TRIM33: variants seen among roughly 807,000 people sequenced by gnomAD.
TRIM33 encodes E3 ubiquitin-protein ligase TRIM33.
Under a neutral mutation model 125.4 loss-of-function variants are expected in TRIM33, and 20 were observed. That is an observed-to-expected ratio of 0.16 (90% CI 0.11 to 0.23). TRIM33 has a LOEUF of 0.23. TRIM33 is among the 10% of genes least tolerant of loss of function. The pLI is 1.00. For missense variants in TRIM33, 920 were observed against 1,411.4 expected (o/e 0.65, Z 5.58); for synonymous variants, 564 against 513.9 (o/e 1.10, Z -1.32).
chr1:114,461,215 A>AATATAT (rs11367427), intron 4 of TRIM33, among the ~76,000 whole-genome samples: 17 of 133,154 alleles, frequency 1.3e-4, no homozygotes, highest in Non-Finnish European at 2.1e-4. Flanking sequence ...TGTCTTTAAA[A>AATATAT]ATATATATAT....
At chr1:114,507,020 G>A (rs187938193) in intron 1 of TRIM33, among the ~76,000 whole-genome samples, 1 of 152,244 alleles carries the variant, frequency 6.6e-6, no homozygotes, top group East Asian at 1.9e-4. Context: ...CTTATTTATT[G>A]AACAGTCTAC....
At chr1:114,499,755 A>T (rs1652596876) in intron 1 of TRIM33, among the ~76,000 whole-genome samples, 1 of 152,232 alleles carries the variant, frequency 6.6e-6, no homozygotes, top group Non-Finnish European at 1.5e-5. Flanking sequence ...AAAACACAGG[A>T]GGACACCACC....
At chr1:114,457,812 A>C (rs1649712078) in intron 4 of TRIM33, among the ~76,000 whole-genome samples, 1 of 152,192 alleles carries the variant, frequency 6.6e-6, no homozygotes, top group South Asian at 2.1e-4. Context: ...GAAGGTAAAA[A>C]ATCAACTCAG....
At chr1:114,408,081 T>G (rs538597866) in intron 13 of TRIM33, among the ~76,000 whole-genome samples, 156 of 152,012 alleles carry the variant, frequency 1.0e-3, no homozygotes, top group Non-Finnish European at 1.6e-3. Context: ...TGCTCTCCCT[T>G]CCCCCAAATC....
rs1003305224 is a variant in TRIM33 at position 114,510,735 on chromosome 1, A to G, written c.342T>C (p.Pro114=). The G allele has an allele frequency of 2.6e-6, 4 of 1,528,858 alleles. No individual in the cohort carries two copies. Among genetic ancestry groups the G allele is most frequent in the Non-Finnish European group, 3.5e-6 (4 of 1,142,726 alleles). The allele number at this position is 1,528,858 out of a possible 1,614,324, so 94.7% of individuals were successfully genotyped here. A position where few individuals can be genotyped will look rare whatever the true frequency, so the allele number is the denominator to read the frequency against. The change falls in exon 1 of 20, where the codon CCT becomes CCC. Residue 114 remains proline (P), a synonymous_variant. Transcript: ENST00000358465. The part of the protein sequence containing the change: ...APAPGPSAGP[P]PGPPASLLDT... Reference sequence around the variant, plus strand: ...CCAGGAGCGAGGCTGGCGGTCCAGGAGGCGGCCCTGCCGAGGGACCCGGAG... The same window carrying G: ...CCAGGAGCGAGGCTGGCGGTCCAGGGGGCGGCCCTGCCGAGGGACCCGGAG...
At chr1:114,476,298 T>G (rs1650976494) in intron 1 of TRIM33, among the ~76,000 whole-genome samples, 1 of 150,642 alleles carries the variant, frequency 6.6e-6, no homozygotes, top group African/African-American at 2.4e-5. Flanking sequence ...CTTTACAAAG[T>G]GAAAGTAAAT....
intron 1 of TRIM33, chr1:114,469,157 C>G (rs916979911): frequency 5.5e-6 from 1 of 181,282 alleles, no homozygotes; most frequent in Non-Finnish European, 1.2e-5. Flanking sequence ...TGGACACACA[C>G]CTGCAGAAGA....
chr1:114,396,941 T>A lies in TRIM33; in HGVS notation c.*707A>T, dbSNP rs1651568888. Reference sequence around the variant, plus strand: ...TGGAAACAACTACTATAACTCTAAATAATCCACTAATGAAAAGTTACCATT... The same window carrying A: ...TGGAAACAACTACTATAACTCTAAAAAATCCACTAATGAAAAGTTACCATT... On this transcript the variant is annotated 3_prime_UTR_variant, in exon 20 of 20. Transcript: ENST00000358465. 4.6e-6 allele frequency: 1 copy of A among 215,092 alleles called. No homozygotes were observed. Among genetic ancestry groups the A allele is most frequent in the South Asian group, 1.9e-4 (1 of 5,392 alleles). The allele number at this position is 215,092 out of a possible 1,614,324, so 13.3% of individuals were successfully genotyped here. A position where few individuals can be genotyped will look rare whatever the true frequency, so the allele number is the denominator to read the frequency against.
At chr1:114,403,518 G>A (rs1299288486) in intron 15 of TRIM33, among the ~76,000 whole-genome samples, 1 of 151,784 alleles carries the variant, frequency 6.6e-6, no homozygotes, top group Non-Finnish European at 1.5e-5. Flanking sequence ...TTACAGGCGT[G>A]CACCATCATG....
chr1:114,454,671 T>TC (rs1211671541), intron 4 of TRIM33, among the ~76,000 whole-genome samples: 4 of 126,672 alleles, frequency 3.2e-5, no homozygotes, highest in Non-Finnish European at 6.7e-5. Flanking sequence ...ACAAGACTCC[T>TC]CTAAAAAAAA....
chr1:114,426,880 G>C (rs1265231820), intron 8 of TRIM33, among the ~76,000 whole-genome samples: 1 of 152,070 alleles, frequency 6.6e-6, no homozygotes, highest in Non-Finnish European at 1.5e-5. Context: ...TGAATCATTT[G>C]CTAAGATTTC....
At chr1:114,462,974 T>C (rs770095720) in intron 4 of TRIM33, 130 bp downstream of exon 4, 19 of 688,986 alleles carry the variant, frequency 2.8e-5, no homozygotes, top group South Asian at 4.8e-5. Flanking sequence ...GCTCAAGAAA[T>C]TAAAATATGT....
At chr1:114,403,567 A>G (rs1652042218) in intron 15 of TRIM33, among the ~76,000 whole-genome samples, 1 of 151,726 alleles carries the variant, frequency 6.6e-6, no homozygotes, top group Non-Finnish European at 1.5e-5. Context: ...ACACAGTTTC[A>G]CTGGGTCCTC....
chr1:114,470,509 T>TCA (rs1400690233), intron 1 of TRIM33, among the ~76,000 whole-genome samples: 3 of 152,114 alleles, frequency 2.0e-5, no homozygotes, highest in Admixed American at 2.0e-4. Flanking sequence ...ACTCCCTGTC[T>TCA]CTCTCCCTTT....
At chr1:114,418,256 C>T (rs1406908107) in intron 11 of TRIM33, among the ~76,000 whole-genome samples, 3 of 152,174 alleles carry the variant, frequency 2.0e-5, no homozygotes, top group East Asian at 1.9e-4. Context: ...GGGAAACCAC[C>T]GCCATGATCC....
At chr1:114,420,428 G>A (rs1653205212) in intron 11 of TRIM33, 1 of 1,335,138 alleles carries the variant, frequency 7.5e-7, no homozygotes, top group Non-Finnish European at 9.9e-7. Context: ...CATACCAGGA[G>A]TGCATCATCG....
At chr1:114,501,006 C>T (rs1652679330) in intron 1 of TRIM33, among the ~76,000 whole-genome samples, 1 of 69,510 alleles carries the variant, frequency 1.4e-5, no homozygotes, top group African/African-American at 7.5e-5. Flanking sequence ...CCGGCTAACA[C>T]GGTAAAACCC....
chr1:114,488,746 G>A (rs1651873794), intron 1 of TRIM33, among the ~76,000 whole-genome samples: 1 of 152,126 alleles, frequency 6.6e-6, no homozygotes, highest in Non-Finnish European at 1.5e-5. Flanking sequence ...CTGGGCAACA[G>A]AGCAAGATCT....
intron 1 of TRIM33, among the ~76,000 whole-genome samples, chr1:114,480,590 T>G (rs551455938): frequency 1.4e-4 from 21 of 148,526 alleles, no homozygotes; most frequent in Admixed American, 5.3e-4. Flanking sequence ...AAAAGAAAAT[T>G]TTAAGGTACA....
Sources: gnomAD v4.1 joint callset for allele counts (sites outside exome capture counted in the v4.1 genomes callset) on GRCh38, gnomAD v4.1.1 for gene constraint, MANE v1.5 for transcripts, NCBI Gene and HGNC (gene_info 2026-07-23, HGNC 2026-07-21) for gene names.